The following CNGB1 variants were observed in gnomAD, a reference collection of about 807,000 sequenced individuals.
CNGB1 encodes the protein cyclic nucleotide gated channel subunit beta 1.
CNGB1 carries 126 observed loss-of-function variants against 151.7 expected under a neutral mutation model. That is an observed-to-expected ratio of 0.83 (90% CI 0.72 to 0.96). The LOEUF (loss-of-function observed/expected upper bound fraction) is 0.96. Among genes scored for constraint, CNGB1 ranks in the 40% least tolerant of loss-of-function variants. The pLI is 0.00. For synonymous variants in CNGB1, 623 were observed against 635.1 expected, an observed-to-expected ratio of 0.98 and a Z score of 0.29; for missense variants, 1,698 against 1,627.0, an observed-to-expected ratio of 1.04 and a Z score of -0.75.
intron 11 of CNGB1, 44 bp from the exon 12 acceptor site, chr16:57,957,421 T>A (rs1462047458): frequency 1.9e-6 from 3 of 1,572,422 alleles, no homozygotes; most frequent in Non-Finnish European, 2.6e-6. Flanking sequence ...CACGGCCTCT[T>A]CACCAGCCTC....
chr16:57,942,704 G>C (rs1374192334), intron 14 of CNGB1, among the ~76,000 whole-genome samples: 1 of 151,408 alleles, frequency 6.6e-6, no homozygotes, highest in East Asian at 1.9e-4. Flanking sequence ...AACTCTATAA[G>C]ATACAAAAAC....
chr16:57,940,043 C>T (rs578175927), intron 15 of CNGB1, among the ~76,000 whole-genome samples, 191 bp downstream of exon 15: 2 of 152,308 alleles, frequency 1.3e-5, no homozygotes, highest in African/African-American at 2.4e-5. Context: ...CCCGTCTCCC[C>T]ACCCACGGCC....
At chr16:57,953,793 G>A (rs74019733) in intron 12 of CNGB1, among the ~76,000 whole-genome samples, 4,771 of 151,828 alleles carry the variant, frequency 0.031, 251 homozygotes, top group African/African-American at 0.11. Context: ...CCTCTACCCC[G>A]TCATCAGAAT....
At chr16:57,968,209 A>T (rs1274686447) in intron 1 of CNGB1, among the ~76,000 whole-genome samples, 1 of 152,180 alleles carries the variant, frequency 6.6e-6, no homozygotes, top group Non-Finnish European at 1.5e-5. Flanking sequence ...TAAGTGTAAC[A>T]TACTCAGGCC....
intron 29 of CNGB1, among the ~76,000 whole-genome samples, chr16:57,900,418 C>T (rs532389840): frequency 2.0e-5 from 3 of 152,280 alleles, no homozygotes; most frequent in East Asian, 3.9e-4. Flanking sequence ...TGTTTCCCCC[C>T]GTATGCTTAT....
At chr16:57,954,605 C>T (rs1194929954) in intron 12 of CNGB1, 1 of 888,412 alleles carries the variant, frequency 1.1e-6, no homozygotes, top group Non-Finnish European at 1.3e-6. Context: ...GCTATTCAGT[C>T]CACCCACTTT....
intron 23 of CNGB1, among the ~76,000 whole-genome samples, chr16:57,913,858 T>C (rs150667660): frequency 1.2e-4 from 19 of 152,342 alleles, no homozygotes; most frequent in African/African-American, 4.3e-4. Flanking sequence ...TTGACAGAAA[T>C]TGGTGCTCAG....
rs201407276 is a variant in CNGB1 at position 57,964,188 on chromosome 16, C to T, written c.232G>A (p.Ala78Thr). The T allele has an allele frequency of 3.3e-4, 535 of 1,614,164 alleles. 1 individual carries two copies. In the African/African-American group the frequency reaches 3.7e-3, roughly 11 times the overall value. The change falls in exon 4 of 33, where the codon GCC becomes ACC. Residue 78 changes from alanine (A) to threonine (T), a missense_variant. By Grantham distance (58) the Ala-to-Thr change is moderately conservative (BLOSUM62 0). Transcript: ENST00000251102. ...DPSPQETKEAALTSTISLRAQ... is the reference protein window; with the variant it reads ...DPSPQETKEATLTSTISLRAQ... ...CGGAGGGATATGGTGGAAGTAAGGG[C>T]AGCCTCCTTGGTCTCTGGAAAAGAA...
intron 14 of CNGB1, among the ~76,000 whole-genome samples, chr16:57,947,918 C>T (rs1567391266): frequency 6.6e-6 from 1 of 152,190 alleles, no homozygotes; most frequent in Non-Finnish European, 1.5e-5. Flanking sequence ...GCGGGTACAC[C>T]ACTTGCCCCA....
At chr16:57,967,427 C>T in intron 1 of CNGB1, 133 bp from the exon 2 acceptor site, 1 of 887,604 alleles carries the variant, frequency 1.1e-6, no homozygotes, top group South Asian at 1.6e-5. Flanking sequence ...GGTGCGGTGG[C>T]TCACACCTGT....
chr16:57,924,505 A>T (rs1961132644), intron 17 of CNGB1, among the ~76,000 whole-genome samples: 1 of 152,204 alleles, frequency 6.6e-6, no homozygotes. Flanking sequence ...TTCCATTAGC[A>T]TTTAAAACAC....
chr16:57,922,413 CTCTTTCTT>C (rs555422411), intron 18 of CNGB1, among the ~76,000 whole-genome samples: 1 of 143,856 alleles, frequency 7.0e-6, no homozygotes, highest in African/African-American at 2.7e-5. Flanking sequence ...GTTTCTTTCT[CTCTTTCTT>C]TCTTTCTTTC....
At chr16:57,901,796 C>T (rs1960400455) in intron 27 of CNGB1, among the ~76,000 whole-genome samples, 171 bp from the exon 28 acceptor site, 1 of 152,206 alleles carries the variant, frequency 6.6e-6, no homozygotes, top group South Asian at 2.1e-4. Flanking sequence ...TTGCCAATAC[C>T]GTTTCCTCTG....
intron 20 of CNGB1, 118 bp from the exon 21 acceptor site, chr16:57,917,594 A>AAC: frequency 1.3e-6 from 1 of 771,230 alleles, no homozygotes; most frequent in South Asian, 1.4e-5. Flanking sequence ...GCACTTTTGT[A>AAC]AGAGTGTGTG....
chr16:57,904,937 G>C, intron 25 of CNGB1, 62 bp from the exon 26 acceptor site: 1 of 1,605,576 alleles, frequency 6.2e-7, no homozygotes, highest in Non-Finnish European at 8.5e-7. Context: ...GCCCCGAGCA[G>C]TCTGGCTCAG....
chr16:57,932,476 C>T (rs1158556613), intron 16 of CNGB1, among the ~76,000 whole-genome samples: 1 of 147,426 alleles, frequency 6.8e-6, no homozygotes, highest in African/African-American at 2.5e-5. Flanking sequence ...AATCTCAGTT[C>T]ACCCCAAGCT....
chr16:57,912,258 A>G (rs545355558), intron 24 of CNGB1, among the ~76,000 whole-genome samples: 16 of 152,310 alleles, frequency 1.1e-4, no homozygotes, highest in Non-Finnish European at 2.2e-4. Flanking sequence ...ATGCTCAGAC[A>G]TCTGTGAAAC....
intron 1 of CNGB1, among the ~76,000 whole-genome samples, chr16:57,969,360 C>T (rs1437345272): frequency 3.3e-5 from 5 of 150,580 alleles, no homozygotes; most frequent in Non-Finnish European, 5.9e-5. Context: ...CTCACACCTG[C>T]AATCCCAGCA....
At position 57,901,625 on chromosome 16, in the gene CNGB1, T is replaced by C. The variant is rs1960393842; in HGVS notation, c.2795A>G (p.Asp932Gly). The change falls in exon 28 of 33, where the codon GAT becomes GGT. Residue 932 changes from aspartate to glycine, a missense_variant and splice_region_variant. Transcript: ENST00000251102. ...EYTWHSQGML[D>G]ESELMVQLPD... The stretch of plus-strand genomic sequence containing the variant: ...AAGCTGCACCATCAGCTCTGACTCA[T>C]CTGTGAACAAGGCCTGGCAAGGGTC... The C allele has an allele frequency of 3.1e-6, 5 of 1,613,588 alleles. No individual in the cohort carries two copies. The Admixed American group carries it at 6.7e-5, about 22-fold the overall frequency.
Sources: gnomAD v4.1 joint callset for allele counts (sites outside exome capture counted in the v4.1 genomes callset) on GRCh38, gnomAD v4.1.1 for gene constraint, MANE v1.5 for transcripts, NCBI Gene and HGNC (gene_info 2026-07-23, HGNC 2026-07-21) for gene names.